Variants in KCNN2 observed in about 807,000 individuals in gnomAD.
The protein encoded by KCNN2 is small conductance calcium-activated potassium channel protein 2.
KCNN2 carries 24 observed loss-of-function variants against 55.5 expected under a neutral mutation model. The observed-to-expected ratio is 0.43, with a 90% CI of 0.31 to 0.61. The LOEUF (loss-of-function observed/expected upper bound fraction) is 0.61. Among genes scored for constraint, KCNN2 ranks in the 20% least tolerant of loss-of-function variants. The pLI is 0.08. For synonymous variants in KCNN2, 431 were observed against 336.1 expected (o/e 1.28, Z -3.09); for missense variants, 754 against 853.6 (o/e 0.88, Z 1.45).
At chr5:114,263,206 A>G (rs1755144633) in intron 2 of KCNN2, among the ~76,000 whole-genome samples, 1 of 152,160 alleles carries the variant, frequency 6.6e-6, no homozygotes, top group Non-Finnish European at 1.5e-5. Context: ...CAAGCAGTTT[A>G]CAGATGGGTT....
chr5:114,089,342 A>G (rs923086163), intron 1 of KCNN2, among the ~76,000 whole-genome samples: 1 of 152,182 alleles, frequency 6.6e-6, no homozygotes, highest in African/African-American at 2.4e-5. Context: ...GTCCCGGCTT[A>G]GTCCTATTCC....
chr5:114,249,895 C>A (rs984344109), intron 2 of KCNN2, among the ~76,000 whole-genome samples: 2 of 152,030 alleles, frequency 1.3e-5, no homozygotes, highest in East Asian at 3.9e-4. Flanking sequence ...TTTAGTACCC[C>A]ATGTTATGTT....
chr5:114,149,235 G>C (rs1465559151), intron 1 of KCNN2, among the ~76,000 whole-genome samples: 1 of 152,092 alleles, frequency 6.6e-6, no homozygotes, highest in African/African-American at 2.4e-5. Context: ...TGAAAAGAGG[G>C]GAGAGTCAGA....
intron 3 of KCNN2, among the ~76,000 whole-genome samples, chr5:114,424,712 T>C (rs1350311846): frequency 6.6e-6 from 1 of 152,190 alleles, no homozygotes; most frequent in Non-Finnish European, 1.5e-5. Context: ...GGGTGCATCC[T>C]TTAATATTCA....
intron 1 of KCNN2, among the ~76,000 whole-genome samples, chr5:114,058,961 TC>T (rs1047239493): frequency 6.6e-6 from 1 of 152,158 alleles, no homozygotes; most frequent in Non-Finnish European, 1.5e-5. Context: ...TTGCTGAAAT[TC>T]AGCCCATGTT....
At chr5:114,291,136 G>T (rs1286637835) in intron 2 of KCNN2, among the ~76,000 whole-genome samples, 1 of 151,908 alleles carries the variant, frequency 6.6e-6, no homozygotes, top group Non-Finnish European at 1.5e-5. Flanking sequence ...ATGAAATATA[G>T]TTATTAAAAT....
At chr5:114,344,357 T>C (rs907905168) in intron 2 of KCNN2, among the ~76,000 whole-genome samples, 1 of 152,094 alleles carries the variant, frequency 6.6e-6, no homozygotes. Flanking sequence ...AGAATGCAGA[T>C]GGAAAGGAAG....
chr5:114,151,548 GA>G (rs1301213598), intron 1 of KCNN2, among the ~76,000 whole-genome samples: 2,882 of 143,908 alleles, frequency 0.02, 78 homozygotes, highest in African/African-American at 0.067. Context: ...AGATGTCCCA[GA>G]AAAAAAAAAA....
chr5:114,315,186 A>G (rs1272734871), intron 2 of KCNN2, among the ~76,000 whole-genome samples: 1 of 152,036 alleles, frequency 6.6e-6, no homozygotes, highest in Non-Finnish European at 1.5e-5. Flanking sequence ...GTGGCCTTGT[A>G]TGTTGTGTTG....
At chr5:114,145,149 A>G (rs918304746) in intron 1 of KCNN2, among the ~76,000 whole-genome samples, 3 of 152,218 alleles carry the variant, frequency 2.0e-5, no homozygotes. Flanking sequence ...CTTAAAAGGA[A>G]AAAAGGAGTT....
chr5:114,366,246 C>A (rs903842656), intron 2 of KCNN2, among the ~76,000 whole-genome samples: 8 of 152,086 alleles, frequency 5.3e-5, no homozygotes, highest in Admixed American at 5.2e-4. Context: ...AATGACTCTC[C>A]ACGGCAAATA....
intron 1 of KCNN2, among the ~76,000 whole-genome samples, chr5:114,061,458 TC>T: frequency 2.0e-5 from 3 of 152,326 alleles, no homozygotes; most frequent in Admixed American, 2.0e-4. Flanking sequence ...ATAAATGAAA[TC>T]TAAGACTCCA....
intron 2 of KCNN2, among the ~76,000 whole-genome samples, chr5:114,306,373 CAG>C (rs746127852): frequency 4.4e-4 from 67 of 152,290 alleles, no homozygotes; most frequent in Non-Finnish European, 7.2e-4. Flanking sequence ...AGAGGCCAAA[CAG>C]ATAAATTGAA....
intron 1 of KCNN2, among the ~76,000 whole-genome samples, chr5:114,060,832 T>C (rs752524417): frequency 5.3e-5 from 8 of 152,244 alleles, no homozygotes; most frequent in African/African-American, 9.6e-5. Context: ...GCTATTATTA[T>C]TTTCCAAGCC....
intron 1 of KCNN2, among the ~76,000 whole-genome samples, chr5:114,203,703 A>G (rs538683541): frequency 6.6e-6 from 1 of 152,178 alleles, no homozygotes; most frequent in East Asian, 1.9e-4. Context: ...TGCACCAGCT[A>G]CATCTGCCTC....
chr5:114,056,340 TTCTTC>T, exon 1 of KCNN2: 1 of 398,622 alleles, frequency 2.5e-6, no homozygotes, highest in Non-Finnish European at 4.4e-6. Context: ...GGACTCCTGA[TTCTTC>T]TCAGATGGAA....
intron 2 of KCNN2, among the ~76,000 whole-genome samples, chr5:114,371,307 A>T (rs1442320961): frequency 6.6e-6 from 1 of 152,174 alleles, no homozygotes; most frequent in Non-Finnish European, 1.5e-5. Context: ...CACAGAGACT[A>T]TTTAAACCCA....
At chr5:114,486,639 A>G (rs1747554118) in intron 5 of KCNN2, 5 of 825,266 alleles carry the variant, frequency 6.1e-6, no homozygotes, top group Admixed American at 2.9e-5. Context: ...CAGAAATACC[A>G]AGCAGGCTTG....
At chr5:114,222,242 C>T (rs999072479) in intron 2 of KCNN2, among the ~76,000 whole-genome samples, 4 of 152,094 alleles carry the variant, frequency 2.6e-5, no homozygotes, top group Non-Finnish European at 4.4e-5. Flanking sequence ...AATCTAAGAA[C>T]GTAAGCAGGG....
Sources: gnomAD v4.1 joint callset for allele counts (sites outside exome capture counted in the v4.1 genomes callset) on GRCh38, gnomAD v4.1.1 for gene constraint, MANE v1.5 for transcripts, NCBI Gene and HGNC (gene_info 2026-07-23, HGNC 2026-07-21) for gene names.